Variants in SNX25 observed in about 807,000 individuals in gnomAD.
SNX25 encodes the protein sorting nexin-25.
Under a neutral mutation model 113.7 loss-of-function variants are expected in SNX25, and 62 were observed. That is an observed-to-expected ratio of 0.55 (90% CI 0.44 to 0.67). SNX25 has a LOEUF of 0.67. SNX25 is among the 30% of genes least tolerant of loss of function. The probability of loss-of-function intolerance (pLI) is 0.00; values close to 1 mark genes in which losing one functional copy is unlikely to be tolerated. For missense variants in SNX25, 1,014 were observed against 1,161.0 expected (o/e 0.87, Z 1.84); for synonymous variants, 421 against 436.2 (o/e 0.97, Z 0.43).
At chr4:185,206,646 C>T (rs1737198753), upstream of SNX25, among the ~76,000 whole-genome samples, 3 of 103,532 alleles carry the variant, frequency 2.9e-5, no homozygotes, top group Non-Finnish European at 5.5e-5. Flanking sequence ...GTAACAAGAG[C>T]GAAACTCTTG....
intron 1 of SNX25, among the ~76,000 whole-genome samples, chr4:185,227,518 C>G (rs1309796954): frequency 6.6e-6 from 1 of 152,228 alleles, no homozygotes; most frequent in South Asian, 2.1e-4. Flanking sequence ...TTCAGCTCTA[C>G]TTGTTAAAGG....
chr4:185,277,055 C>A (rs949648305), intron 5 of SNX25, among the ~76,000 whole-genome samples: 1 of 152,152 alleles, frequency 6.6e-6, no homozygotes, highest in Non-Finnish European at 1.5e-5. Flanking sequence ...GAAGGAGTCT[C>A]GCTCTGTCAC....
At chr4:185,228,746 C>T (rs1741380680) in intron 1 of SNX25, among the ~76,000 whole-genome samples, 1 of 152,124 alleles carries the variant, frequency 6.6e-6, no homozygotes, top group African/African-American at 2.4e-5. Flanking sequence ...TTGGAAAAAA[C>T]ATCATTGGAG....
At chr4:185,276,408 T>C (rs1276833113) in intron 5 of SNX25, among the ~76,000 whole-genome samples, 1 of 152,184 alleles carries the variant, frequency 6.6e-6, no homozygotes, top group Non-Finnish European at 1.5e-5. Flanking sequence ...TTTGAGAAGC[T>C]CCAATAAATA....
At chr4:185,218,674 G>A (rs1000847385) in intron 1 of SNX25, among the ~76,000 whole-genome samples, 8 of 152,192 alleles carry the variant, frequency 5.3e-5, no homozygotes, top group African/African-American at 1.9e-4. Flanking sequence ...AAGCAAAGAG[G>A]GGAGCAAGGA....
chr4:185,309,184 C>T (rs1243894527), intron 6 of SNX25, among the ~76,000 whole-genome samples: 1 of 152,154 alleles, frequency 6.6e-6, no homozygotes, highest in East Asian at 1.9e-4. Context: ...CTCGGTTCCT[C>T]TCCATATAGA....
At chr4:185,292,179 C>T (rs540415262) in intron 6 of SNX25, among the ~76,000 whole-genome samples, 2 of 152,228 alleles carry the variant, frequency 1.3e-5, no homozygotes, top group Non-Finnish European at 2.9e-5. Context: ...TAGGTAGTTC[C>T]AGCCAGCACA....
intron 1 of SNX25, among the ~76,000 whole-genome samples, chr4:185,234,296 T>C (rs1429283558): frequency 6.6e-6 from 1 of 152,216 alleles, no homozygotes; most frequent in Non-Finnish European, 1.5e-5. Context: ...GAACCTGCTA[T>C]GAAAGTAAAA....
At chr4:185,329,683 G>C (rs1005032032) in intron 9 of SNX25, among the ~76,000 whole-genome samples, 5 of 147,814 alleles carry the variant, frequency 3.4e-5, no homozygotes, top group South Asian at 2.1e-4. Flanking sequence ...GACAGACACA[G>C]AGAGAGAGAG....
chr4:185,358,638 C>T (rs994807984), intron 16 of SNX25, among the ~76,000 whole-genome samples: 2 of 152,116 alleles, frequency 1.3e-5, no homozygotes, highest in African/African-American at 2.4e-5. Flanking sequence ...TCACCAGACC[C>T]GTTAGCTGAC....
rs1374731688 is a variant in SNX25, at chr4:185,357,521, TA to T, written c.2585-147del. The T allele has an allele frequency of 3.8e-5, 25 of 661,956 alleles. No individual in the cohort carries two copies. In the East Asian group the frequency reaches 5.0e-4, roughly 13 times the overall value. The allele number at this position is 661,956 out of a possible 1,614,324, so 41.0% of individuals were successfully genotyped here. On this transcript the variant is annotated intron_variant, in intron 15 of 18. Coordinates refer to ENST00000652585, the MANE Select transcript of SNX25 (RefSeq NM_001378034.2). Reference sequence around the variant, plus strand: ...CCTAGTCAGAAGAGTTTTCCTGACCTAAACCCAAATTCTGCAGATGTCATAG... The same window carrying T: ...CCTAGTCAGAAGAGTTTTCCTGACCTAACCCAAATTCTGCAGATGTCATAG...
At chr4:185,212,172 T>C (rs1044477593) in intron 1 of SNX25, among the ~76,000 whole-genome samples, 1 of 152,104 alleles carries the variant, frequency 6.6e-6, no homozygotes, top group Non-Finnish European at 1.5e-5. Flanking sequence ...GGGCACAGGT[T>C]TCACCATGTT....
chr4:185,353,664 T>C, intron 15 of SNX25, 62 bp downstream of exon 15: 1 of 1,189,284 alleles, frequency 8.4e-7, no homozygotes, highest in East Asian at 2.3e-5. Context: ...TAATCGTACA[T>C]TCACATGCAT....
chr4:185,302,142 G>C (rs563362173), intron 6 of SNX25, among the ~76,000 whole-genome samples: 85 of 144,852 alleles, frequency 5.9e-4, no homozygotes, highest in African/African-American at 1.7e-3. Context: ...CACTATGTTG[G>C]TTAGGCTGGT....
At chr4:185,230,004 A>T (rs952704436) in intron 1 of SNX25, among the ~76,000 whole-genome samples, 5 of 151,908 alleles carry the variant, frequency 3.3e-5, no homozygotes, top group African/African-American at 1.2e-4. Flanking sequence ...AATTTTTAAA[A>T]TTTTTAGTAG....
intron 1 of SNX25, among the ~76,000 whole-genome samples, chr4:185,244,008 T>A (rs1258962844): frequency 6.6e-6 from 1 of 151,978 alleles, no homozygotes; most frequent in African/African-American, 2.4e-5. Flanking sequence ...CCTTTCTTTC[T>A]TTTTTTTGAG....
At chr4:185,250,960 TA>T (rs1364892312) in intron 2 of SNX25, among the ~76,000 whole-genome samples, 1 of 152,168 alleles carries the variant, frequency 6.6e-6, no homozygotes, top group African/African-American at 2.4e-5. Flanking sequence ...TTTATCATTA[TA>T]ACCATTTTAA....
chr4:185,226,161 G>A (rs1740964634), intron 1 of SNX25, among the ~76,000 whole-genome samples: 1 of 152,178 alleles, frequency 6.6e-6, no homozygotes, highest in Non-Finnish European at 1.5e-5. Context: ...CACCGAGTTG[G>A]CACATAGCGT....
downstream of SNX25, among the ~76,000 whole-genome samples, chr4:185,372,148 T>TA: frequency 6.6e-6 from 1 of 152,332 alleles, no homozygotes; most frequent in South Asian, 2.1e-4. Flanking sequence ...GTGGTGCAGT[T>TA]ATAGAACTGC....
Sources: allele counts gnomAD v4.1 joint callset (sites outside exome capture counted in the v4.1 genomes callset), GRCh38; gene constraint gnomAD v4.1.1; transcripts MANE v1.5; gene names NCBI Gene and HGNC (gene_info 2026-07-23, HGNC 2026-07-21).